Variants in ARMC2 observed in about 807,000 individuals in gnomAD.
ARMC2 encodes the protein armadillo repeat containing 2.
ARMC2 carries 67 observed loss-of-function variants against 90.3 expected under a neutral mutation model. That is an observed-to-expected ratio of 0.74 (90% CI 0.61 to 0.91). The LOEUF (loss-of-function observed/expected upper bound fraction) is 0.91, where lower values mean the gene tolerates loss of function less well. Among genes scored for constraint, ARMC2 ranks in the 40% least tolerant of loss-of-function variants. The probability of loss-of-function intolerance (pLI) is 0.00; values close to 1 mark genes in which losing one functional copy is unlikely to be tolerated. For synonymous variants in ARMC2, 393 were observed against 393.0 expected (o/e 1.00, Z 0.00); for missense variants, 920 against 1,030.9 (o/e 0.89, Z 1.47).
At chr6:109,032,508 T>C in the ARMC2 span, among the ~76,000 whole-genome samples, 7 of 150,862 alleles carry the variant, frequency 4.6e-5, no homozygotes, top group Non-Finnish European at 1.0e-4. Flanking sequence ...ATCCCAGCTA[T>C]TGGGGAGGCT....
At chr6:108,986,380 A>C in the ARMC2 span, 1 of 152,638 alleles carries the variant, frequency 6.6e-6, no homozygotes, top group African/African-American at 2.4e-5. Flanking sequence ...GTAGATAGAA[A>C]CTCAAAATTA....
the ARMC2 span, among the ~76,000 whole-genome samples, chr6:109,003,121 C>T: frequency 6.6e-6 from 1 of 151,992 alleles, no homozygotes; most frequent in Non-Finnish European, 1.5e-5. Flanking sequence ...CCTCACCCTC[C>T]CCATATAGTG....
At chr6:108,862,363 A>AAAC (rs1775350306) in intron 3 of ARMC2, among the ~76,000 whole-genome samples, 3 of 149,322 alleles carry the variant, frequency 2.0e-5, no homozygotes, top group African/African-American at 7.6e-5. Context: ...AAAAAACAAA[A>AAAC]AAAACAAACA....
In ARMC2 at chr6:108,965,030, G is replaced by T. The variant is rs747301657; in HGVS notation, c.2336G>T (p.Cys779Phe). 1.5e-5 allele frequency: 25 copies of T among 1,613,576 alleles called. No individual in the cohort carries two copies. The highest frequency in any genetic ancestry group is 2.1e-5 in the Non-Finnish European group (25 of 1,179,680). Residue 779 changes from cysteine (C) to phenylalanine (F), a missense_variant, in exon 17 of 18, where the codon TGC (cysteine) becomes TTC (phenylalanine). Physicochemically the swap from Cys to Phe is radical, Grantham distance 205 (BLOSUM62 -2). Transcript: ENST00000392644. The part of the protein sequence containing the change: ...DLGPTDWQLA[C>F]LVCKTLWNFS... ...GGTCCTACTGATTGGCAGCTGGCCT[G>T]CTTGGTTTGTAAAACTTTATGGAAC...
intron 12 of ARMC2, among the ~76,000 whole-genome samples, chr6:108,943,198 A>G (rs964284942): frequency 5.3e-5 from 8 of 152,192 alleles, no homozygotes; most frequent in African/African-American, 1.7e-4. Context: ...TTATTTTTAC[A>G]TTCTTTTTCT....
chr6:108,957,757 C>T (rs930137586), intron 13 of ARMC2, among the ~76,000 whole-genome samples: 2 of 152,188 alleles, frequency 1.3e-5, no homozygotes, highest in African/African-American at 4.8e-5. Context: ...AGAACTGACC[C>T]TCTCAGTATG....
At chr6:108,940,539 G>C (rs1195757005) in intron 12 of ARMC2, among the ~76,000 whole-genome samples, 2 of 152,090 alleles carry the variant, frequency 1.3e-5, no homozygotes, top group Non-Finnish European at 2.9e-5. Context: ...TGGTGTTTTT[G>C]CTTGGCCAGC....
rs1055433965 is a variant in ARMC2, at chr6:108,965,127, C to T, written c.2433C>T (p.Leu811=). The change falls in exon 17 of 18, where the codon CTC becomes CTT. Residue 811 remains leucine, a synonymous_variant. Transcript: ENST00000392644. Reference sequence around the variant, plus strand: ...ACACCAACACACTCTTACTCTTGCTCTCATCATTTTTAGGTAAGACTCTTG... The same window carrying T: ...ACACCAACACACTCTTACTCTTGCTTTCATCATTTTTAGGTAAGACTCTTG... ...NEDTNTLLLL[L]SSFLDEELAL... 3 of 1,605,622 alleles carry T rather than the reference C, an allele frequency of 1.9e-6. No individual in the cohort carries two copies. Among genetic ancestry groups the T allele is most frequent in the African/African-American group, 2.7e-5 (2 of 74,832 alleles).
At chr6:108,911,342 A>G (rs931867128) in intron 9 of ARMC2, among the ~76,000 whole-genome samples, 2 of 152,168 alleles carry the variant, frequency 1.3e-5, no homozygotes, top group African/African-American at 4.8e-5. Context: ...GTCTTTTAAT[A>G]TACTAGGGAT....
the ARMC2 span, chr6:109,002,413 G>C: frequency 7.8e-7 from 1 of 1,278,970 alleles, no homozygotes. Context: ...AAAGGAATGG[G>C]AGGGAAAAAC....
chr6:108,866,864 A>G (rs930297332), intron 3 of ARMC2, among the ~76,000 whole-genome samples: 7 of 152,190 alleles, frequency 4.6e-5, no homozygotes, highest in African/African-American at 1.7e-4. Context: ...ACAAGAGGAA[A>G]TAAACATTTT....
At chr6:109,017,898 G>A in the ARMC2 span, among the ~76,000 whole-genome samples, 1 of 152,100 alleles carries the variant, frequency 6.6e-6, no homozygotes, top group Non-Finnish European at 1.5e-5. Flanking sequence ...AGGCACAGTG[G>A]CTCAATGCCT....
chr6:108,983,145 T>C, the ARMC2 span, among the ~76,000 whole-genome samples: 7 of 152,128 alleles, frequency 4.6e-5, no homozygotes, highest in Admixed American at 2.6e-4. Context: ...GTTTTTTGAG[T>C]TGTAGGAATT....
chr6:108,958,283 A>G (rs1268860515), intron 13 of ARMC2, among the ~76,000 whole-genome samples: 1 of 152,142 alleles, frequency 6.6e-6, no homozygotes, highest in Non-Finnish European at 1.5e-5. Flanking sequence ...CACCCAGTTT[A>G]TGGTATTTTA....
the ARMC2 span, among the ~76,000 whole-genome samples, chr6:109,043,618 AAAAG>A: frequency 1.3e-5 from 2 of 152,192 alleles, no homozygotes; most frequent in Non-Finnish European, 1.5e-5. Flanking sequence ...ATTACAATAA[AAAAG>A]AAAATAGGCA....
Position 108,953,308 on chromosome 6 carries a change from G to A in ARMC2, c.1872G>A (p.Leu624=), listed in dbSNP as rs1425397985. The A allele has an allele frequency of 6.2e-7, 1 of 1,609,954 alleles. No individual in the cohort carries two copies. Among genetic ancestry groups the A allele is most frequent in the Non-Finnish European group, 8.5e-7 (1 of 1,179,368 alleles). Residue 624 remains leucine (L), a synonymous_variant, in exon 13 of 18, where the codon CTG becomes CTA. Coordinates refer to ENST00000392644, the MANE Select transcript of ARMC2 (RefSeq NM_032131.6). ...IAIHPGVGPV[L]AANPGIVGLL... is the part of the protein sequence containing the mutation. ...TCCACCCGGGCGTGGGCCCGGTGCT[G>A]GCCGCCAACCCGGGGATAGTGGGCC...
chr6:108,914,408 C>A (rs1773748237), intron 10 of ARMC2, among the ~76,000 whole-genome samples: 1 of 152,106 alleles, frequency 6.6e-6, no homozygotes, highest in South Asian at 2.1e-4. Flanking sequence ...TGTCCCCCCA[C>A]CTCTAGGGGG....
At position 108,952,827 on chromosome 6, in the gene ARMC2, G is replaced by A. The variant is rs79141842; in HGVS notation, c.1597-206G>A. Among the ~76,000 whole-genome samples the A allele has an allele frequency of 7.7e-3, 1,167 of 152,302 alleles. 13 individuals are homozygous for A. The highest frequency in any genetic ancestry group is 0.027 in the African/African-American group (1,105 of 41,552). On this transcript the variant is annotated intron_variant, in intron 12 of 17. Transcript: ENST00000392644. ...CGTTGCTGATCACATCAATCAGTTT[G>A]TATTCTTTCATTGCTGCCAAGTGCT...
Position 108,868,833 on chromosome 6 carries a change from G to A in ARMC2, c.301G>A (p.Val101Ile). The change falls in exon 4 of 18, where the codon GTT becomes ATT. Residue 101 changes from valine (V) to isoleucine (I), a missense_variant. Transcript: ENST00000392644. ...AAAAATCTCTTTCCAGAAACCGAAAGTTCCAGCATCTCCCACCAGAGAGGA... is the reference window on the plus strand; with the variant it reads ...AAAAATCTCTTTCCAGAAACCGAAAATTCCAGCATCTCCCACCAGAGAGGA... The part of the protein sequence containing the change: ...RLSPLELKPK[V>I]PASPTREEDS... 1 of 1,610,396 alleles carries A rather than the reference G, an allele frequency of 6.2e-7. No homozygotes were observed. The highest frequency in any genetic ancestry group is 8.5e-7 in the Non-Finnish European group (1 of 1,178,892).
Sources: allele counts gnomAD v4.1 joint callset (sites outside exome capture counted in the v4.1 genomes callset), GRCh38; gene constraint gnomAD v4.1.1; transcripts MANE v1.5; gene names NCBI Gene and HGNC (gene_info 2026-07-23, HGNC 2026-07-21).